Variants in ATP8B4 observed in about 807,000 individuals in gnomAD.
ATP8B4 encodes probable phospholipid-transporting ATPase IM.
Under a neutral mutation model 145.6 loss-of-function variants are expected in ATP8B4, and 133 were observed. That is an observed-to-expected ratio of 0.91 (90% CI 0.79 to 1.05). The LOEUF is 1.05. Ranked by LOEUF, ATP8B4 falls within the 50% of genes least tolerant of loss-of-function variation. ATP8B4 has a pLI of 0.00. For synonymous variants in ATP8B4, 507 were observed against 492.9 expected (o/e 1.03, Z -0.38); for missense variants, 1,458 against 1,425.2 (o/e 1.02, Z -0.37).
At chr15:49,865,756 A>G (rs2032680908) in intron 26 of ATP8B4, among the ~76,000 whole-genome samples, 1 of 152,162 alleles carries the variant, frequency 6.6e-6, no homozygotes, top group African/African-American at 2.4e-5. Context: ...GTTTATTCCT[A>G]TATATTCTCG....
At chr15:49,866,867 G>A (rs1755795460) in intron 25 of ATP8B4, among the ~76,000 whole-genome samples, 1 of 151,760 alleles carries the variant, frequency 6.6e-6, no homozygotes, top group South Asian at 2.1e-4. Context: ...TTCTGTAATG[G>A]GCAAGTGCAA....
At chr15:50,056,094 T>C (rs1374541374) in intron 3 of ATP8B4, among the ~76,000 whole-genome samples, 2 of 152,030 alleles carry the variant, frequency 1.3e-5, no homozygotes, top group Non-Finnish European at 2.9e-5. Context: ...ACTACACTCA[T>C]CATCACCACC....
At chr15:50,076,007 T>C (rs2054147022) in intron 2 of ATP8B4, among the ~76,000 whole-genome samples, 1 of 152,198 alleles carries the variant, frequency 6.6e-6, no homozygotes, top group Non-Finnish European at 1.5e-5. Flanking sequence ...AATTAATAGA[T>C]TATAGCAGCA....
chr15:50,121,319 C>T (rs2057268009), upstream of ATP8B4, among the ~76,000 whole-genome samples: 1 of 152,028 alleles, frequency 6.6e-6, no homozygotes, highest in African/African-American at 2.4e-5. Flanking sequence ...AGAGTAGAGG[C>T]TACCAAGGGC....
intron 14 of ATP8B4, among the ~76,000 whole-genome samples, chr15:49,940,368 GCAA>G (rs777958197): frequency 2.0e-5 from 3 of 152,102 alleles, no homozygotes; most frequent in Non-Finnish European, 2.9e-5. Flanking sequence ...TCATAAAGGT[GCAA>G]CAATAGACAC....
chr15:50,095,801 A>G (rs1327905100), intron 2 of ATP8B4, among the ~76,000 whole-genome samples: 3 of 152,148 alleles, frequency 2.0e-5, no homozygotes, highest in Non-Finnish European at 4.4e-5. Flanking sequence ...CAAATTAGAT[A>G]TCTGAGCTAC....
intron 3 of ATP8B4, among the ~76,000 whole-genome samples, chr15:50,059,356 A>G (rs1430224567): frequency 2.0e-5 from 3 of 152,210 alleles, no homozygotes; most frequent in African/African-American, 7.2e-5. Flanking sequence ...AGCCACTTCT[A>G]CGGGAACAAT....
intron 25 of ATP8B4, among the ~76,000 whole-genome samples, chr15:49,868,194 C>T (rs996831563): frequency 2.6e-5 from 4 of 152,088 alleles, no homozygotes; most frequent in Non-Finnish European, 5.9e-5. Context: ...ATCTTTTATA[C>T]AGAGGAGGAA....
intron 20 of ATP8B4, among the ~76,000 whole-genome samples, chr15:49,904,715 T>C (rs1473826862): frequency 6.6e-6 from 1 of 152,226 alleles, no homozygotes; most frequent in Non-Finnish European, 1.5e-5. Flanking sequence ...GCTATATGCC[T>C]GTTCCTGAAG....
At chr15:49,912,662 T>A (rs1239516128) in intron 20 of ATP8B4, among the ~76,000 whole-genome samples, 1 of 152,146 alleles carries the variant, frequency 6.6e-6, no homozygotes. Context: ...TCTCCCTAAC[T>A]TGTTCTACAA....
upstream of ATP8B4, among the ~76,000 whole-genome samples, chr15:50,123,300 G>A (rs913087177): frequency 6.6e-6 from 1 of 152,148 alleles, no homozygotes; most frequent in Non-Finnish European, 1.5e-5. Context: ...TTAGTTTATA[G>A]TTTAACTTTG....
chr15:50,126,590 C>A (rs1026957083), intron 1 of ATP8B4, among the ~76,000 whole-genome samples: 1 of 152,204 alleles, frequency 6.6e-6, no homozygotes, highest in Admixed American at 6.5e-5. Context: ...ACTATAACTT[C>A]TTTAGCTATT....
intron 23 of ATP8B4, among the ~76,000 whole-genome samples, chr15:49,887,059 C>T (rs1015315743): frequency 6.6e-6 from 1 of 152,110 alleles, no homozygotes; most frequent in African/African-American, 2.4e-5. Flanking sequence ...ATCCACCTGC[C>T]TTGACCTCCC....
chr15:49,889,304 C>G (rs2036547151), intron 23 of ATP8B4, among the ~76,000 whole-genome samples: 1 of 152,134 alleles, frequency 6.6e-6, no homozygotes, highest in South Asian at 2.1e-4. Flanking sequence ...GGACTGGACT[C>G]AATGTCCCTG....
chr15:50,146,313 C>T (rs949421500), intron 1 of ATP8B4, among the ~76,000 whole-genome samples: 19 of 152,074 alleles, frequency 1.2e-4, no homozygotes, highest in African/African-American at 4.1e-4. Flanking sequence ...GCCCGGCCTA[C>T]ATTTTCAAAT....
intron 6 of ATP8B4, among the ~76,000 whole-genome samples, chr15:50,020,002 A>T (rs970914820): frequency 1.3e-5 from 2 of 151,794 alleles, no homozygotes; most frequent in Non-Finnish European, 2.9e-5. Flanking sequence ...TCTGTTGCCC[A>T]GACTGGAGTG....
At chr15:50,036,998 T>A (rs541605585) in intron 6 of ATP8B4, among the ~76,000 whole-genome samples, 2 of 152,300 alleles carry the variant, frequency 1.3e-5, no homozygotes, top group East Asian at 3.9e-4. Flanking sequence ...ACTAACACTA[T>A]TTCAAATGAT....
At chr15:49,902,898 C>A (rs982652143) in intron 20 of ATP8B4, among the ~76,000 whole-genome samples, 1 of 152,200 alleles carries the variant, frequency 6.6e-6, no homozygotes, top group African/African-American at 2.4e-5. Flanking sequence ...GTAAAGTTCT[C>A]ACTCGCTGTA....
intron 4 of ATP8B4, 40 bp downstream of exon 4, chr15:50,047,311 T>A (rs765082662): frequency 7.7e-7 from 1 of 1,298,580 alleles, no homozygotes; most frequent in Admixed American, 1.8e-5. Flanking sequence ...ATGAATACTT[T>A]AAACAAACAG....
Sources: allele counts gnomAD v4.1 joint callset (sites outside exome capture counted in the v4.1 genomes callset), GRCh38; gene constraint gnomAD v4.1.1; transcripts MANE v1.5; gene names NCBI Gene and HGNC (gene_info 2026-07-23, HGNC 2026-07-21).